HERC1: variants seen among roughly 807,000 people sequenced by gnomAD.
HERC1 encodes the protein HECT and RLD domain containing E3 ubiquitin protein ligase family member 1, also known as probable E3 ubiquitin-protein ligase HERC1.
In HERC1, 160 loss-of-function variants were observed where a neutral mutation model predicts 554.3. The observed-to-expected ratio is 0.29, with a 90% confidence interval of 0.25 to 0.33. HERC1 has a LOEUF of 0.33. Among genes scored for constraint, HERC1 ranks in the 10% least tolerant of loss-of-function variants. The pLI, the probability that HERC1 is intolerant of heterozygous loss-of-function variation, is 1.00. For synonymous variants in HERC1, 2,175 were observed against 2,131.7 expected, an observed-to-expected ratio of 1.02 and a Z score of -0.56; for missense variants, 4,919 against 5,918.5, an observed-to-expected ratio of 0.83 and a Z score of 5.54.
Position 63,616,519 on chromosome 15 carries a change from G to A in HERC1, c.13852C>T (p.Leu4618=). The change falls in exon 75 of 78, where the codon CTG becomes TTG. Residue 4618 remains leucine (L), a synonymous_variant. Coordinates refer to ENST00000443617, the MANE Select transcript of HERC1 (RefSeq NM_003922.4). ...LCCVPLTLED[L]EEVDLLYVQT... ...ACGTAGAGCAGATCCACCTCCTCCAGGTCCTCTAGGGTGAGTGGGACACAG... is the reference window on the plus strand; with the variant it reads ...ACGTAGAGCAGATCCACCTCCTCCAAGTCCTCTAGGGTGAGTGGGACACAG... 6.2e-7 allele frequency: 1 copy of A among 1,613,972 alleles called. No individual in the cohort carries two copies. The highest frequency in any genetic ancestry group is 8.5e-7 in the Non-Finnish European group (1 of 1,179,888).
chr15:63,719,980 T>C (rs2073740368), intron 19 of HERC1, among the ~76,000 whole-genome samples: 1 of 151,804 alleles, frequency 6.6e-6, no homozygotes, highest in Non-Finnish European at 1.5e-5. Flanking sequence ...ATACTGTGAA[T>C]ACAAGTACAT....
rs1324242965 is a variant in HERC1, at chr15:63,674,544, T to G, written c.7644A>C (p.Ala2548=). The G allele has an allele frequency of 6.2e-7, 1 of 1,612,980 alleles. No homozygotes were observed. Among genetic ancestry groups the G allele is most frequent in the East Asian group, 2.2e-5 (1 of 44,848 alleles). ...LAENGHNSDC[A]SSPVVHEDVE... ...CGTCTTCATGAACAACTGGAGAACT[T>G]GCACAGTCTGAGTTGTGGCCATTTT... is the stretch of plus-strand genomic sequence containing the variant. Residue 2548 remains alanine (A), a synonymous_variant, in exon 38 of 78, where the codon GCA becomes GCC. Transcript: ENST00000443617.
intron 12 of HERC1, among the ~76,000 whole-genome samples, chr15:63,737,391 GTTTTTCCAGATATATATATATATATCT>G (rs1282219954): frequency 0.075 from 4,183 of 55,558 alleles, 997 homozygotes; most frequent in Non-Finnish European, 0.1. Context: ...TATATATATC[GTTTTTCCAGATATATATATATATATCT>G]TTTTTCCAGA....
rs759444631 is a variant in HERC1, at chr15:63,694,038, C to T, written c.5600G>A (p.Gly1867Glu). The change falls in exon 30 of 78, where the codon GGG becomes GAG. Residue 1867 changes from glycine (G) to glutamate (E), a missense_variant. By Grantham distance (98) the Gly-to-Glu change is moderately conservative. Transcript: ENST00000443617. The surrounding 1 kb of genome is among the most constrained non-coding windows in gnomAD (Gnocchi z 4.3). ...GVLHMASFGE[G>E]EQEDGEEEEK... ...TTCTTCTTCACCGTCTTCTTGCTCCCCTTCTCCGAAAGAGGCCATATGTAG... is the reference window on the plus strand; with the variant it reads ...TTCTTCTTCACCGTCTTCTTGCTCCTCTTCTCCGAAAGAGGCCATATGTAG... 4 of 1,598,358 alleles carry T rather than the reference C, an allele frequency of 2.5e-6. No individual in the cohort carries two copies. The highest frequency in any genetic ancestry group is 3.4e-6 in the Non-Finnish European group (4 of 1,171,802).
intron 1 of HERC1, among the ~76,000 whole-genome samples, chr15:63,826,953 T>C (rs968465811): frequency 7.3e-5 from 11 of 151,102 alleles, no homozygotes; most frequent in Non-Finnish European, 1.0e-4. Context: ...CAAAACTACA[T>C]GTGCACTTAA....
intron 1 of HERC1, among the ~76,000 whole-genome samples, chr15:63,791,713 T>C (rs928420642): frequency 6.6e-6 from 1 of 152,326 alleles, no homozygotes; most frequent in East Asian, 1.9e-4. Context: ...TGTTTTAAGC[T>C]GTAAGCCCAT....
intron 1 of HERC1, among the ~76,000 whole-genome samples, chr15:63,796,546 G>C (rs1268231017): frequency 1.3e-5 from 2 of 152,178 alleles, no homozygotes; most frequent in Non-Finnish European, 2.9e-5. Context: ...AATTTAGAAA[G>C]TTTATTTTGC....
intron 69 of HERC1, 71 bp downstream of exon 69, chr15:63,630,395 T>C (rs2068493868): frequency 6.9e-7 from 1 of 1,459,404 alleles, no homozygotes; most frequent in Non-Finnish European, 9.4e-7. Flanking sequence ...CTAGCTTATC[T>C]CTTTCCCCAA....
chr15:63,630,653 A>G lies in HERC1; in HGVS notation c.12797-18T>C. 1.9e-6 allele frequency: 3 copies of G among 1,605,646 alleles called. No individual in the cohort carries two copies. Among genetic ancestry groups the G allele is most frequent in the East Asian group, 2.2e-5 (1 of 44,872 alleles). Reference sequence around the variant, plus strand: ...CAGGCGATCTGAAAAAAACAAAACAAAAACATGTGGAAATGTTATGCACCA... The same window carrying G: ...CAGGCGATCTGAAAAAAACAAAACAGAAACATGTGGAAATGTTATGCACCA... On this transcript the variant is annotated intron_variant, in intron 68 of 77. Coordinates refer to ENST00000443617, the MANE Select transcript of HERC1 (RefSeq NM_003922.4).
chr15:63,744,144 G>GTGTGTGTGTGTGTC (rs2074950206), intron 12 of HERC1, among the ~76,000 whole-genome samples: 1 of 41,804 alleles, frequency 2.4e-5, no homozygotes, highest in Non-Finnish European at 7.6e-5. Context: ...GTGTGTGTGT[G>GTGTGTGTGTGTGTC]TGTGTGTGTG....
At chr15:63,679,968 C>A in intron 36 of HERC1, 109 bp downstream of exon 36, 3 of 669,594 alleles carry the variant, frequency 4.5e-6, no homozygotes. Flanking sequence ...TTACCTAAGT[C>A]AAGTACTTTT....
intron 1 of HERC1, among the ~76,000 whole-genome samples, chr15:63,807,536 A>C (rs141214703): frequency 6.6e-6 from 1 of 152,236 alleles, no homozygotes; most frequent in Non-Finnish European, 1.5e-5. Flanking sequence ...TGGGAACATG[A>C]CAATACTCTG....
At chr15:63,630,272 G>A (rs1175543059) in intron 69 of HERC1, among the ~76,000 whole-genome samples, 194 bp downstream of exon 69, 1 of 152,134 alleles carries the variant, frequency 6.6e-6, no homozygotes, top group Non-Finnish European at 1.5e-5. Flanking sequence ...TTAAACCATG[G>A]TATAATACTT....
At chr15:63,679,705 C>T (rs2071383188) in intron 36 of HERC1, among the ~76,000 whole-genome samples, 1 of 152,216 alleles carries the variant, frequency 6.6e-6, no homozygotes, top group African/African-American at 2.4e-5. Context: ...AAGGTAGTTT[C>T]CTCATGATGA....
intron 77 of HERC1, among the ~76,000 whole-genome samples, chr15:63,611,716 T>C (rs1409345186): frequency 6.6e-6 from 1 of 152,244 alleles, no homozygotes; most frequent in African/African-American, 2.4e-5. Flanking sequence ...AGGTTGTTGG[T>C]TGTAGTATGC....
In HERC1 at chr15:63,677,966, G is replaced by A. The variant is rs746098639; in HGVS notation, c.6949C>T (p.Leu2317Phe). 1 of 1,613,808 alleles carries A rather than the reference G, an allele frequency of 6.2e-7. No individual in the cohort carries two copies. The highest frequency in any genetic ancestry group is 2.2e-5 in the East Asian group (1 of 44,890). The change falls in exon 37 of 78, where the codon CTT becomes TTT. Residue 2317 changes from leucine (L) to phenylalanine (F), a missense_variant. This residue lies in a region of HERC1 where 1,963 missense variants were observed against 2,228.6 expected (regional missense o/e 0.88). Transcript: ENST00000443617. The surrounding 1 kb of genome is among the most constrained non-coding windows in gnomAD (Gnocchi z 4.4). The stretch of plus-strand genomic sequence containing the variant: ...TGAACACACCGACCTCCAACTCTAA[G>A]ACCAGCATCAACTCCTCCTATCACA... ...LAVIGGVDAG[L>F]RVGGRCVHKQ...
intron 1 of HERC1, among the ~76,000 whole-genome samples, chr15:63,820,527 A>G (rs369932267): frequency 6.6e-6 from 1 of 152,222 alleles, no homozygotes; most frequent in African/African-American, 2.4e-5. Context: ...TACTTGAATT[A>G]TATCAAATAA....
intron 7 of HERC1, 146 bp from the exon 8 acceptor site, chr15:63,753,231 T>C (rs1391640430): frequency 1.6e-5 from 8 of 493,146 alleles, no homozygotes; most frequent in Non-Finnish European, 2.3e-5. Flanking sequence ...CTGAGGATGT[T>C]AACAAACGAG....
Position 63,755,316 on chromosome 15 carries a change from AAAC to A in HERC1, c.1540_1542del (p.Val514del). ...CTATGTCTGTATCCAGCTGACACAC[AAAC>A]AACTACCTGCATTGCACACAAGTAA... is the stretch of plus-strand genomic sequence containing the variant. On this transcript the variant is annotated inframe_deletion, in exon 6 of 78. Transcript: ENST00000443617. 2.5e-6 allele frequency: 4 copies of A among 1,613,112 alleles called. No homozygotes were observed. Among genetic ancestry groups the A allele is most frequent in the Non-Finnish European group, 3.4e-6 (4 of 1,179,080 alleles).
Sources: allele counts gnomAD v4.1 joint callset (sites outside exome capture counted in the v4.1 genomes callset), GRCh38; gene constraint gnomAD v4.1.1; regional missense constraint gnomAD v4.1.1; non-coding constraint Gnocchi (gnomAD v3.1); transcripts MANE v1.5; gene names NCBI Gene and HGNC (gene_info 2026-07-23, HGNC 2026-07-21).